PCCA: variants seen among roughly 807,000 people sequenced by gnomAD.
PCCA encodes the protein propionyl-CoA carboxylase alpha chain, mitochondrial.
PCCA carries 74 observed loss-of-function variants against 101.3 expected under a neutral mutation model. That is an observed-to-expected ratio of 0.73 (90% CI 0.61 to 0.89). PCCA has a LOEUF of 0.89. Among genes scored for constraint, PCCA ranks in the 40% least tolerant of loss-of-function variants. PCCA has a pLI of 0.00. For missense variants in PCCA, 891 were observed against 907.0 expected (o/e 0.98, Z 0.23); for synonymous variants, 294 against 313.6 (o/e 0.94, Z 0.66).
intron 23 of PCCA, among the ~76,000 whole-genome samples, chr13:100,528,830 G>C (rs2088104673): frequency 1.3e-5 from 2 of 152,198 alleles, no homozygotes; most frequent in African/African-American, 4.8e-5. Context: ...TCTGTTCTTT[G>C]GGATTTAACA....
At chr13:100,253,792 G>A (rs117695977) in intron 8 of PCCA, among the ~76,000 whole-genome samples, 2,148 of 151,810 alleles carry the variant, frequency 0.014, 28 homozygotes, top group Non-Finnish European at 0.024. Context: ...GGTAGTAGCA[G>A]TAAGCATCCC....
At chr13:100,307,160 A>G in intron 14 of PCCA, 32 bp from the exon 15 acceptor site, 3 of 1,509,156 alleles carry the variant, frequency 2.0e-6, no homozygotes, top group Non-Finnish European at 2.8e-6. Flanking sequence ...CACAATATGA[A>G]TTACTTTTCT....
At chr13:100,454,712 T>G (rs1428343400) in intron 21 of PCCA, among the ~76,000 whole-genome samples, 2 of 152,178 alleles carry the variant, frequency 1.3e-5, no homozygotes, top group Non-Finnish European at 2.9e-5. Context: ...AGAGTTCAAT[T>G]TTAGACTAAG....
intron 4 of PCCA, among the ~76,000 whole-genome samples, chr13:100,125,529 A>G (rs867143357): frequency 6.6e-6 from 1 of 152,354 alleles, no homozygotes; most frequent in African/African-American, 2.4e-5. Flanking sequence ...AAAAAATGGC[A>G]TAATGGCTTT....
rs1595290846 is a variant in PCCA, at chr13:100,316,710, C to G, written c.1429+6802C>G. Among the ~76,000 whole-genome samples, 2 of 151,884 alleles carry G rather than the reference C, an allele frequency of 1.3e-5. 1 individual carries two copies. Among genetic ancestry groups the G allele is most frequent in the Non-Finnish European group, 2.9e-5 (2 of 67,980 alleles). The stretch of plus-strand genomic sequence containing the variant: ...CAGGGAGCTAAAAAATTTATACCAG[C>G]AGTAGGCTATAAACATGAAAGCCAG... On this transcript the variant is annotated intron_variant, in intron 16 of 23. Transcript: ENST00000376285.
intron 20 of PCCA, among the ~76,000 whole-genome samples, chr13:100,430,815 C>A (rs977779605): frequency 6.6e-6 from 1 of 152,098 alleles, no homozygotes; most frequent in Admixed American, 6.5e-5. Context: ...TGTGGCTGTA[C>A]CAGCTTATGT....
chr13:100,126,535 G>A (rs1187148600), intron 4 of PCCA, among the ~76,000 whole-genome samples: 1 of 151,976 alleles, frequency 6.6e-6, no homozygotes, highest in Admixed American at 6.6e-5. Context: ...TTAAATTGGG[G>A]GTGGGGGTGG....
intron 22 of PCCA, among the ~76,000 whole-genome samples, chr13:100,524,402 T>TGTGTGTGTGTGTGC (rs2087564915): frequency 1.3e-5 from 2 of 151,874 alleles, no homozygotes; most frequent in African/African-American, 4.8e-5. Context: ...TGTGTGTGTG[T>TGTGTGTGTGTGTGC]GTGTGTGTGT....
intron 21 of PCCA, among the ~76,000 whole-genome samples, chr13:100,451,289 T>C (rs143330049): frequency 5.3e-5 from 8 of 152,272 alleles, no homozygotes; most frequent in African/African-American, 9.6e-5. Flanking sequence ...CTCGTCAGGT[T>C]GACACATAAA....
At chr13:100,146,317 C>T (rs2152357431) in intron 4 of PCCA, among the ~76,000 whole-genome samples, 1 of 151,672 alleles carries the variant, frequency 6.6e-6, no homozygotes, top group South Asian at 2.1e-4. Flanking sequence ...TGGCTCATGC[C>T]TGTAATCCCA....
chr13:100,139,467 C>A lies in PCCA; in HGVS notation c.301-15512C>A, dbSNP rs978806134. The stretch of plus-strand genomic sequence containing the variant: ...GATTGTATAATTTCTGTTGATCAGT[C>A]TTCAGATTTATTGACTCTTTCCTTT... On this transcript the variant is annotated intron_variant, in intron 4 of 23. Coordinates refer to ENST00000376285, the MANE Select transcript of PCCA (RefSeq NM_000282.4). 7.3e-5 allele frequency among the ~76,000 whole-genome samples: 11 copies of A among 151,702 alleles called. 1 individual carries two copies. The highest frequency in any genetic ancestry group is 5.9e-4 in the Admixed American group (9 of 15,234).
At chr13:100,186,749 C>CAAAAAAAAAAAAAAAAAAAAAAAA (rs113247072) in intron 6 of PCCA, among the ~76,000 whole-genome samples, 1 of 106,264 alleles carries the variant, frequency 9.4e-6, no homozygotes, top group Non-Finnish European at 2.1e-5. Context: ...AAAAAAAAAA[C>CAAAAAAAAAAAAAAAAAAAAAAAA]AAAAAAAAAA....
At chr13:100,329,631 A>T (rs1234805291) in intron 16 of PCCA, among the ~76,000 whole-genome samples, 1 of 152,146 alleles carries the variant, frequency 6.6e-6, no homozygotes, top group Non-Finnish European at 1.5e-5. Flanking sequence ...ATCATTTTGA[A>T]GTGTTGTCTT....
At chr13:100,438,788 T>G (rs534254329) in intron 20 of PCCA, among the ~76,000 whole-genome samples, 1 of 152,206 alleles carries the variant, frequency 6.6e-6, no homozygotes, top group South Asian at 2.1e-4. Flanking sequence ...TTTGGTTTCT[T>G]GGCTCCCTCC....
At position 100,344,768 on chromosome 13, in the gene PCCA, C is replaced by T. The variant is rs1447018868; in HGVS notation, c.1643+4509C>T. Among the ~76,000 whole-genome samples, 4 of 152,130 alleles carry T rather than the reference C, an allele frequency of 2.6e-5. No homozygotes were observed. The East Asian group carries it at 7.7e-4, about 29-fold the overall frequency. ...CACTTCTCAGATATTGCATTTTTTACGGATTGAAGGTTTATGGCAACCCTG... is the reference window on the plus strand; with the variant it reads ...CACTTCTCAGATATTGCATTTTTTATGGATTGAAGGTTTATGGCAACCCTG... On this transcript the variant is annotated intron_variant, in intron 18 of 23. Transcript: ENST00000376285.
chr13:100,359,117 AG>A (rs2074288354), intron 18 of PCCA, among the ~76,000 whole-genome samples: 11 of 151,612 alleles, frequency 7.3e-5, no homozygotes, highest in Non-Finnish European at 1.5e-4. Context: ...AAAAAGAAAA[AG>A]AAAAGAAAAA....
At chr13:100,333,302 C>T (rs575588474) in intron 17 of PCCA, among the ~76,000 whole-genome samples, 1 of 152,334 alleles carries the variant, frequency 6.6e-6, no homozygotes, top group Admixed American at 6.5e-5. Context: ...ATCCAGGATC[C>T]TCTCCATATG....
In PCCA at chr13:100,143,616, G is replaced by A. The variant is rs2052177340; in HGVS notation, c.301-11363G>A. Among the ~76,000 whole-genome samples the A allele has an allele frequency of 2.0e-5, 3 of 151,640 alleles. No individual in the cohort carries two copies. The South Asian group carries it at 6.2e-4, about 32-fold the overall frequency. ...GGATGAATAGGAAGAAATAAAAATT[G>A]TTTCTTGAGCTCCTTCAAAGTACTT... On this transcript the variant is annotated intron_variant, in intron 4 of 23. Transcript: ENST00000376285.
chr13:100,290,384 A>G (rs2065034394), intron 12 of PCCA, among the ~76,000 whole-genome samples: 1 of 151,670 alleles, frequency 6.6e-6, no homozygotes, highest in Non-Finnish European at 1.5e-5. Flanking sequence ...GCTAATTTTT[A>G]AATTTTTTTG....
Sources: gnomAD v4.1 joint callset for allele counts (sites outside exome capture counted in the v4.1 genomes callset) on GRCh38, gnomAD v4.1.1 for gene constraint, MANE v1.5 for transcripts, NCBI Gene and HGNC (gene_info 2026-07-23, HGNC 2026-07-21) for gene names.